YAP1: variants seen among roughly 807,000 people sequenced by gnomAD.
The protein encoded by YAP1 is transcriptional coactivator YAP1.
In YAP1, 5 loss-of-function variants were observed where a neutral mutation model predicts 56.9. The observed-to-expected ratio is 0.09, with a 90% CI of 0.05 to 0.18. YAP1 has a LOEUF of 0.18. YAP1 is among the 10% of genes least tolerant of loss of function. The pLI, the probability that YAP1 is intolerant of heterozygous loss-of-function variation, is 1.00. For synonymous variants in YAP1, 265 were observed against 248.1 expected (o/e 1.07, Z -0.64); for missense variants, 539 against 651.8 (o/e 0.83, Z 1.88).
chr11:102,154,503 TATAC>T (rs1190225591), intron 2 of YAP1, among the ~76,000 whole-genome samples: 4 of 152,092 alleles, frequency 2.6e-5, no homozygotes, highest in Admixed American at 1.3e-4. Context: ...TATGTGTGTA[TATAC>T]ATACATACAG....
At chr11:102,151,205 A>G (rs1945636756) in intron 2 of YAP1, among the ~76,000 whole-genome samples, 1 of 152,100 alleles carries the variant, frequency 6.6e-6, no homozygotes, top group Non-Finnish European at 1.5e-5. Flanking sequence ...TCCTGGGTAC[A>G]TTTGGCTATG....
chr11:102,225,426 G>A (rs940022794), intron 7 of YAP1, among the ~76,000 whole-genome samples: 11 of 152,092 alleles, frequency 7.2e-5, no homozygotes, highest in East Asian at 1.9e-4. Flanking sequence ...CAGAGGTTGC[G>A]GTGAGCCGAG....
At chr11:102,148,262 CTTG>C (rs1167623591) in intron 2 of YAP1, among the ~76,000 whole-genome samples, 1 of 152,156 alleles carries the variant, frequency 6.6e-6, no homozygotes, top group Non-Finnish European at 1.5e-5. Context: ...AAACATCTGA[CTTG>C]TCTATAAACA....
intron 3 of YAP1, among the ~76,000 whole-genome samples, chr11:102,173,416 T>C (rs1229789126): frequency 6.6e-6 from 1 of 152,188 alleles, no homozygotes; most frequent in Admixed American, 6.5e-5. Context: ...CATTTGAATT[T>C]TGAAATCCAA....
chr11:102,229,896 G>A lies in YAP1; in HGVS notation c.1471G>A (p.Ala491Thr). The A allele has an allele frequency of 6.2e-7, 1 of 1,614,104 alleles. No individual in the cohort carries two copies. Among genetic ancestry groups the A allele is most frequent in the Non-Finnish European group, 8.5e-7 (1 of 1,179,960 alleles). The change falls in exon 9 of 9, where the codon GCT (alanine) becomes ACT (threonine). Residue 491 changes from alanine to threonine, a missense_variant. This residue lies in a region of YAP1 where 12 missense variants were observed against 31.2 expected (regional missense o/e 0.38). Coordinates refer to ENST00000282441, the MANE Select transcript of YAP1 (RefSeq NM_001130145.3). ...DILNDMESVL[A>T]ATKLDKESFL... ...CCTTAATGACATGGAGTCTGTTTTG[G>A]CTGCCACCAAGCTAGATAAAGAAAG...
chr11:102,127,199 G>A (rs1464971451), intron 2 of YAP1, among the ~76,000 whole-genome samples: 2 of 152,190 alleles, frequency 1.3e-5, no homozygotes, highest in East Asian at 3.9e-4. Flanking sequence ...AAGTAGCAAG[G>A]AGCCTAATGT....
At chr11:102,140,845 A>C (rs543466341) in intron 2 of YAP1, among the ~76,000 whole-genome samples, 20 of 145,430 alleles carry the variant, frequency 1.4e-4, no homozygotes, top group East Asian at 8.1e-4. Context: ...TCCATTTCCC[A>C]AAAAAAAAAA....
At chr11:102,135,382 A>G (rs1944617414) in intron 2 of YAP1, among the ~76,000 whole-genome samples, 1 of 152,188 alleles carries the variant, frequency 6.6e-6, no homozygotes, top group Admixed American at 6.5e-5. Flanking sequence ...TCCATGCAGC[A>G]TTGATGGAGG....
intron 3 of YAP1, among the ~76,000 whole-genome samples, chr11:102,180,049 G>A (rs1311071838): frequency 5.4e-5 from 7 of 129,878 alleles, no homozygotes; most frequent in East Asian, 2.2e-4. Flanking sequence ...CGCATCCGTC[G>A]TCCAGGCTGG....
intron 6 of YAP1, among the ~76,000 whole-genome samples, chr11:102,211,157 C>T (rs1295813652): frequency 6.6e-6 from 1 of 152,126 alleles, no homozygotes; most frequent in Non-Finnish European, 1.5e-5. Context: ...GGTAAAAAGT[C>T]CTCCATGCCA....
In YAP1 at chr11:102,227,716, TC is replaced by T; in HGVS notation, c.1276+137del. The T allele has an allele frequency of 6.2e-6, 4 of 650,394 alleles. No individual in the cohort carries two copies. The South Asian group carries it at 7.7e-5, about 13-fold the overall frequency. The allele number at this position is 650,394 out of a possible 1,614,324, so 40.3% of individuals were successfully genotyped here. A position where few individuals can be genotyped will look rare whatever the true frequency, so the allele number is the denominator to read the frequency against. On this transcript the variant is annotated intron_variant, in intron 8 of 8. Coordinates refer to ENST00000282441, the MANE Select transcript of YAP1 (RefSeq NM_001130145.3). ...ATCCTGTAAATTTGAATTAAATTGATCCTGCTTTGTCTCTATACGGTGATTT... is the reference window on the plus strand; with the variant it reads ...ATCCTGTAAATTTGAATTAAATTGATCTGCTTTGTCTCTATACGGTGATTT...
intron 2 of YAP1, among the ~76,000 whole-genome samples, chr11:102,125,033 T>C (rs996272745): frequency 6.6e-6 from 1 of 151,928 alleles, no homozygotes; most frequent in Admixed American, 6.6e-5. Context: ...CCACCGTGCC[T>C]AGCCAGATTT....
intron 2 of YAP1, among the ~76,000 whole-genome samples, chr11:102,143,579 C>T (rs10791565): frequency 0.5 from 75,616 of 151,948 alleles, 20,862 homozygotes; most frequent in South Asian, 0.67. Flanking sequence ...TATGTATGTG[C>T]GATAATGTGT....
intron 5 of YAP1, 65 bp from the exon 6 acceptor site, chr11:102,209,452 T>G: frequency 7.1e-7 from 1 of 1,418,074 alleles, no homozygotes; most frequent in Non-Finnish European, 9.8e-7. Context: ...AATTTGTAAG[T>G]CAGCCTACAC....
At chr11:102,195,951 T>C (rs1258602945) in intron 4 of YAP1, among the ~76,000 whole-genome samples, 1 of 152,168 alleles carries the variant, frequency 6.6e-6, no homozygotes, top group African/African-American at 2.4e-5. Context: ...TCCCCACATA[T>C]TGATCATTAG....
chr11:102,172,981 A>T (rs1305196377), intron 3 of YAP1, among the ~76,000 whole-genome samples: 1 of 152,194 alleles, frequency 6.6e-6, no homozygotes, highest in African/African-American at 2.4e-5. Flanking sequence ...GAAAGGCAGA[A>T]TGGGGCTGCA....
intron 2 of YAP1, among the ~76,000 whole-genome samples, chr11:102,141,488 G>A (rs566585035): frequency 2.0e-5 from 3 of 152,228 alleles, no homozygotes; most frequent in South Asian, 4.1e-4. Flanking sequence ...TCCAGTTGGC[G>A]CTAAACAATG....
intron 5 of YAP1, among the ~76,000 whole-genome samples, chr11:102,206,797 G>A (rs1949145889): frequency 6.6e-6 from 1 of 152,194 alleles, no homozygotes; most frequent in African/African-American, 2.4e-5. Context: ...AGCCAAGATT[G>A]TGCCACCGCA....
rs555666563 is a variant in YAP1 at position 102,210,997 on chromosome 11, C to T, written c.1032+1433C>T. On this transcript the variant is annotated intron_variant, in intron 6 of 8. Coordinates refer to ENST00000282441, the MANE Select transcript of YAP1 (RefSeq NM_001130145.3). ...GTCTCGATCTCCTGACCTCGTGATC[C>T]GCCCACCTCAGCCTCCCAAATTGCT... Among the ~76,000 whole-genome samples the T allele has an allele frequency of 1.2e-4, 18 of 152,216 alleles. No homozygotes were observed. The East Asian group carries it at 2.9e-3, about 25-fold the overall frequency.
Sources: gnomAD v4.1 joint callset for allele counts (sites outside exome capture counted in the v4.1 genomes callset) on GRCh38, gnomAD v4.1.1 for gene constraint, gnomAD v4.1.1 regional missense constraint, MANE v1.5 for transcripts, NCBI Gene and HGNC (gene_info 2026-07-23, HGNC 2026-07-21) for gene names.